BDH1: variants seen among roughly 807,000 people sequenced by gnomAD.
The protein encoded by BDH1 is D-beta-hydroxybutyrate dehydrogenase, mitochondrial.
BDH1 carries 30 observed loss-of-function variants against 33.1 expected under a neutral mutation model. That is an observed-to-expected ratio of 0.91 (90% CI 0.68 to 1.23). The LOEUF (loss-of-function observed/expected upper bound fraction) is 1.23. Ranked by LOEUF, BDH1 falls within the 50% of genes most tolerant of loss-of-function variation. The pLI, the probability that BDH1 is intolerant of heterozygous loss-of-function variation, is 0.00. For missense variants in BDH1, 443 were observed against 464.4 expected (o/e 0.95, Z 0.42); for synonymous variants, 190 against 183.6 (o/e 1.03, Z -0.28).
At chr3:197,535,361 G>A (rs4473573) in intron 3 of BDH1, among the ~76,000 whole-genome samples, 13,989 of 152,236 alleles carry the variant, frequency 0.092, 711 homozygotes, top group African/African-American at 0.11. Flanking sequence ...CCTAGCCTAT[G>A]ACGTGCCTTT....
intron 6 of BDH1, among the ~76,000 whole-genome samples, chr3:197,518,875 C>G (rs1287890540): frequency 1.3e-5 from 1 of 75,302 alleles, no homozygotes; most frequent in African/African-American, 5.3e-5. Context: ...TCACTTCCTG[C>G]TCTATGGTCT....
upstream of BDH1, among the ~76,000 whole-genome samples, chr3:197,559,385 C>T (rs1717189699): frequency 3.9e-5 from 6 of 152,104 alleles, no homozygotes; most frequent in South Asian, 1.2e-3. Flanking sequence ...TGAGTGTATC[C>T]CCTGTGAGAT....
intron 5 of BDH1, among the ~76,000 whole-genome samples, chr3:197,527,825 C>A (rs1714252256): frequency 6.6e-6 from 1 of 151,740 alleles, no homozygotes; most frequent in East Asian, 1.9e-4. Flanking sequence ...CCCTCCCGCA[C>A]CTCCTTGGTT....
At chr3:197,534,591 C>A (rs756730895) in intron 3 of BDH1, among the ~76,000 whole-genome samples, 1 of 152,124 alleles carries the variant, frequency 6.6e-6, no homozygotes, top group African/African-American at 2.4e-5. Flanking sequence ...TGGGTAGGTG[C>A]CCAGGGGTGT....
At chr3:197,542,637 C>T (rs1715748689) in intron 3 of BDH1, among the ~76,000 whole-genome samples, 1 of 150,970 alleles carries the variant, frequency 6.6e-6, no homozygotes, top group East Asian at 1.9e-4. Context: ...GATTCTCCCG[C>T]CTCAGCCTCC....
At chr3:197,567,049 T>G (rs1323023422) in intron 1 of BDH1, among the ~76,000 whole-genome samples, 4 of 152,180 alleles carry the variant, frequency 2.6e-5, no homozygotes, top group African/African-American at 9.7e-5. Context: ...TTTTGTTTGT[T>G]GTTGTTTTTC....
chr3:197,539,899 C>T (rs1304046349), intron 3 of BDH1, among the ~76,000 whole-genome samples: 1 of 152,222 alleles, frequency 6.6e-6, no homozygotes, highest in Non-Finnish European at 1.5e-5. Context: ...GTCTCTTGCA[C>T]AGCCGGCTCT....
chr3:197,522,741 T>C lies in BDH1; in HGVS notation c.308A>G (p.Asn103Ser). 1.2e-6 allele frequency: 2 copies of C among 1,614,170 alleles called. No individual in the cohort carries two copies. Among genetic ancestry groups the C allele is most frequent in the South Asian group, 1.1e-5 (1 of 91,082 alleles). The change falls in exon 6 of 8, where the codon AAC becomes AGC. Residue 103 changes from asparagine to serine, a missense_variant. Physicochemically the swap from Asn to Ser is conservative, Grantham distance 46. Coordinates refer to ENST00000392379, the MANE Select transcript of BDH1 (RefSeq NM_203314.3). This position sits in a 1 kb window ranked among gnomAD's most constrained non-coding sequence, Gnocchi z 4.8. ...HDGVKELDSLNSDRLRTVQLN... is the reference protein window; with the variant it reads ...HDGVKELDSLSSDRLRTVQLN... ...CTGGACGGTTCTCAATCGGTCACTG[T>C]TTAGGCTGTCCAGCTCCTTGACCCC...
chr3:197,537,287 T>C (rs1195877968), intron 3 of BDH1, among the ~76,000 whole-genome samples: 1 of 152,184 alleles, frequency 6.6e-6, no homozygotes, highest in East Asian at 1.9e-4. Flanking sequence ...CCACATCCGG[T>C]CGAAACTGTA....
At chr3:197,512,996 C>T (rs1311870521) in intron 7 of BDH1, among the ~76,000 whole-genome samples, 2 of 152,120 alleles carry the variant, frequency 1.3e-5, no homozygotes, top group African/African-American at 4.8e-5. Flanking sequence ...CTCCCCAACT[C>T]CATTCCACCC....
intron 1 of BDH1, among the ~76,000 whole-genome samples, chr3:197,566,740 C>T (rs1290326601): frequency 6.6e-6 from 1 of 152,106 alleles, no homozygotes; most frequent in Non-Finnish European, 1.5e-5. Flanking sequence ...CCTAACGTTT[C>T]TTGATTTTTA....
chr3:197,512,287 C>T lies in BDH1; in HGVS notation c.640G>A (p.Gly214Arg), dbSNP rs1456312328. ...ARSPYCITKF[G>R]VEAFSDCLRY... Reference sequence around the variant, plus strand: ...AGGCAGTCCGAGAAAGCCTCTACCCCGAACTTGGTGATGCAGTACGGGGAG... The same window carrying T: ...AGGCAGTCCGAGAAAGCCTCTACCCTGAACTTGGTGATGCAGTACGGGGAG... Residue 214 changes from glycine (G) to arginine (R), a missense_variant, in exon 8 of 8, where the codon GGG becomes AGG. Gly to Arg is a moderately radical substitution (Grantham distance 125). Transcript: ENST00000392379. 5.0e-6 allele frequency: 8 copies of T among 1,612,738 alleles called. No individual in the cohort carries two copies. Among genetic ancestry groups the T allele is most frequent in the Middle Eastern group, 3.3e-4 (2 of 6,062 alleles).
rs200520797 is a variant in BDH1, at chr3:197,512,014, C to T, written c.913G>A (p.Ala305Thr). Reference protein sequence around the residue: ...TSPVIDAVTHALTATTPYTRY... With the variant: ...TSPVIDAVTHTLTATTPYTRY... The stretch of plus-strand genomic sequence containing the variant: ...GTGTAGGGGGTGGTGGCGGTCAGGG[C>T]GTGTGTGACAGCATCGATGACAGGG... Residue 305 changes from alanine to threonine, a missense_variant, in exon 8 of 8, where the codon GCC becomes ACC. Transcript: ENST00000392379. 8 of 1,614,026 alleles carry T rather than the reference C, an allele frequency of 5.0e-6. No individual in the cohort carries two copies. The highest frequency in any genetic ancestry group is 1.1e-5 in the South Asian group (1 of 91,070).
chr3:197,549,429 A>T (rs1326296213), intron 2 of BDH1, among the ~76,000 whole-genome samples: 1 of 152,178 alleles, frequency 6.6e-6, no homozygotes, highest in African/African-American at 2.4e-5. Context: ...CATCTTGCAG[A>T]GGTCACAGCT....
chr3:197,537,497 A>G (rs908481316), intron 3 of BDH1, among the ~76,000 whole-genome samples: 22 of 152,168 alleles, frequency 1.4e-4, no homozygotes, highest in African/African-American at 5.3e-4. Flanking sequence ...TTTCCAATCT[A>G]TATGACTTTT....
rs1714391248 is a variant in BDH1 at position 197,528,961 on chromosome 3, A to G, written c.267+3451T>C. On this transcript the variant is annotated intron_variant, in intron 5 of 7. Coordinates refer to ENST00000392379, the MANE Select transcript of BDH1 (RefSeq NM_203314.3). The surrounding 1 kb of genome is among the most constrained non-coding windows in gnomAD (Gnocchi z 5.1). The stretch of plus-strand genomic sequence containing the variant: ...CCTGTGTCACTGGATAAGCCAGCAC[A>G]ATGGCACAGAAGCCTAACATAGGAC... 6.6e-6 allele frequency: 1 copy of G among 152,244 alleles called. No individual in the cohort carries two copies. Among genetic ancestry groups the G allele is most frequent in the Non-Finnish European group, 1.5e-5 (1 of 68,058 alleles). 9.4% of individuals were successfully genotyped at this position (152,244 alleles called of 1,614,324 possible).
chr3:197,533,797 A>T (rs1279539492), intron 3 of BDH1: 3 of 505,848 alleles, frequency 5.9e-6, no homozygotes, highest in Non-Finnish European at 1.1e-5. Context: ...AATAAAGCCA[A>T]TTCTGAAGCT....
rs1716880978 is a variant in BDH1 at position 197,554,890 on chromosome 3, A to G, written c.-195-177T>C. Among the ~76,000 whole-genome samples the G allele has an allele frequency of 6.6e-6, 1 of 152,260 alleles. No homozygotes were observed. Among genetic ancestry groups the G allele is most frequent in the Non-Finnish European group, 1.5e-5 (1 of 68,046 alleles). ...GGGTATCTATCAGGCGCGCGTCAGC[A>G]CGTAAGCAGAGCGCGAGAACGCCCG... On this transcript the variant is annotated intron_variant, in intron 1 of 7. Transcript: ENST00000392379. The surrounding 1 kb of genome is among the most constrained non-coding windows in gnomAD (Gnocchi z 4.4).
chr3:197,551,301 CA>C (rs1716548053), intron 2 of BDH1, among the ~76,000 whole-genome samples: 2 of 152,206 alleles, frequency 1.3e-5, no homozygotes. Context: ...TTAGCTCCTA[CA>C]AATAAGTGAG....
Sources: allele counts gnomAD v4.1 joint callset (sites outside exome capture counted in the v4.1 genomes callset), GRCh38; gene constraint gnomAD v4.1.1; non-coding constraint Gnocchi (gnomAD v3.1); transcripts MANE v1.5; gene names NCBI Gene and HGNC (gene_info 2026-07-23, HGNC 2026-07-21).